Variants in SLC24A4 observed in about 807,000 individuals in gnomAD.
The protein encoded by SLC24A4 is sodium/potassium/calcium exchanger 4.
A neutral mutation model predicts 79.0 loss-of-function variants in SLC24A4; 53 were observed. The observed-to-expected ratio is 0.67, with a 90% CI of 0.54 to 0.84. The LOEUF (loss-of-function observed/expected upper bound fraction) is 0.84. SLC24A4 is among the 40% of genes least tolerant of loss of function. SLC24A4 has a pLI of 0.00. For synonymous variants in SLC24A4, 323 were observed against 323.8 expected, an observed-to-expected ratio of 1.00 and a Z score of 0.03; for missense variants, 731 against 822.0, an observed-to-expected ratio of 0.89 and a Z score of 1.35.
In SLC24A4 at chr14:92,390,395, T is replaced by C. The variant is rs145234154; in HGVS notation, c.242-43517T>C. 3.8e-3 allele frequency among the ~76,000 whole-genome samples: 574 copies of C among 152,266 alleles called. 7 individuals carry two copies. Among genetic ancestry groups the C allele is most frequent in the African/African-American group, 0.013 (545 of 41,538 alleles). ...TTCATCAGCCTGTCAGCCCTTGTTA[T>C]ATTTAAGATATTTTTAAACACTCTG... On this transcript the variant is annotated intron_variant, in intron 2 of 16. Transcript: ENST00000532405.
intron 2 of SLC24A4, among the ~76,000 whole-genome samples, chr14:92,350,107 C>A (rs1886786726): frequency 6.6e-6 from 1 of 152,160 alleles, no homozygotes; most frequent in Non-Finnish European, 1.5e-5. Context: ...ATGTGTTGAG[C>A]CCTGTTGAAG....
chr14:92,360,301 T>C (rs532028883), intron 2 of SLC24A4, among the ~76,000 whole-genome samples: 156 of 152,260 alleles, frequency 1.0e-3, no homozygotes, highest in African/African-American at 3.6e-3. Flanking sequence ...CAGTGCACCA[T>C]CGTAGCTCAT....
chr14:92,345,059 A>G (rs1307377572), intron 2 of SLC24A4, among the ~76,000 whole-genome samples: 1 of 152,188 alleles, frequency 6.6e-6, no homozygotes, highest in Non-Finnish European at 1.5e-5. Flanking sequence ...TGAGGGGCAG[A>G]TAGAGTGCAG....
chr14:92,355,223 C>T (rs1360571377), intron 2 of SLC24A4, among the ~76,000 whole-genome samples: 1 of 152,016 alleles, frequency 6.6e-6, no homozygotes, highest in Non-Finnish European at 1.5e-5. Context: ...GGTATGTGAG[C>T]CAAGATGTGA....
chr14:92,405,679 AG>A (rs1378302434), intron 2 of SLC24A4, among the ~76,000 whole-genome samples: 1 of 152,060 alleles, frequency 6.6e-6, no homozygotes, highest in Non-Finnish European at 1.5e-5. Context: ...GAGAGAGAGA[AG>A]GGGGAGCTTC....
intron 2 of SLC24A4, among the ~76,000 whole-genome samples, chr14:92,375,626 AAAGG>A (rs1315914754): frequency 2.6e-5 from 4 of 152,252 alleles, no homozygotes; most frequent in Admixed American, 6.5e-5. Flanking sequence ...TTCAGCCTTA[AAAGG>A]AAGGAAGTAC....
At chr14:92,481,821 T>C (rs967659375) in intron 12 of SLC24A4, among the ~76,000 whole-genome samples, 2 of 152,216 alleles carry the variant, frequency 1.3e-5, no homozygotes, top group African/African-American at 4.8e-5. Flanking sequence ...AAAATAAAAA[T>C]TGCAGAAGTC....
chr14:92,361,279 A>G (rs1052762680), intron 2 of SLC24A4, among the ~76,000 whole-genome samples: 1 of 86,444 alleles, frequency 1.2e-5, no homozygotes, highest in African/African-American at 3.4e-5. Context: ...CCTAGCTAAC[A>G]ACTATTTTTT....
intron 2 of SLC24A4, among the ~76,000 whole-genome samples, chr14:92,401,284 G>A (rs753831166): frequency 4.6e-5 from 7 of 152,156 alleles, no homozygotes; most frequent in Non-Finnish European, 7.3e-5. Context: ...GAAAAACCGT[G>A]CAGGTTGTGC....
At chr14:92,486,976 T>A (rs1237271446) in intron 14 of SLC24A4, among the ~76,000 whole-genome samples, 196 bp downstream of exon 14, 1 of 152,158 alleles carries the variant, frequency 6.6e-6, no homozygotes, top group Non-Finnish European at 1.5e-5. Context: ...CAAGATGAAC[T>A]CCTCCAGACC....
At chr14:92,444,490 A>C (rs1312003293) in intron 7 of SLC24A4, among the ~76,000 whole-genome samples, 1 of 152,218 alleles carries the variant, frequency 6.6e-6, no homozygotes, top group Non-Finnish European at 1.5e-5. Context: ...TCATTCCTTA[A>C]TTTGCATGAC....
At chr14:92,454,548 A>C (rs1595308715) in intron 11 of SLC24A4, among the ~76,000 whole-genome samples, 2 of 152,334 alleles carry the variant, frequency 1.3e-5, no homozygotes, top group South Asian at 2.1e-4. Flanking sequence ...AATATTATTT[A>C]ATGTATAAAC....
At chr14:92,354,628 C>T (rs1887073282) in intron 2 of SLC24A4, among the ~76,000 whole-genome samples, 2 of 152,196 alleles carry the variant, frequency 1.3e-5, no homozygotes, top group African/African-American at 4.8e-5. Flanking sequence ...AATTAATGTG[C>T]ACACAAATCA....
In SLC24A4 at chr14:92,491,862, C is replaced by T. The variant is rs549267629; in HGVS notation, c.1650+85C>T. ...AGTTCCAGCCAGAGGCTCTAGGAGA[C>T]GACCTCCTCCTCTCCTTGGCACTCA... On this transcript the variant is annotated intron_variant, in intron 15 of 16. Transcript: ENST00000532405. The T allele has an allele frequency of 5.5e-5, 57 of 1,037,294 alleles. No homozygotes were observed. In the African/African-American group the frequency reaches 6.3e-4, roughly 11 times the overall value. The allele number at this position is 1,037,294 out of a possible 1,614,324, so 64.3% of individuals were successfully genotyped here. A position where few individuals can be genotyped will look rare whatever the true frequency, so the allele number is the denominator to read the frequency against.
chr14:92,475,215 A>G (rs1048147645), intron 12 of SLC24A4, among the ~76,000 whole-genome samples: 7 of 152,208 alleles, frequency 4.6e-5, no homozygotes, highest in Non-Finnish European at 7.3e-5. Context: ...GAACCAGGTC[A>G]GATGCCAGAC....
intron 12 of SLC24A4, among the ~76,000 whole-genome samples, chr14:92,477,621 G>C (rs1052334892): frequency 2.0e-5 from 3 of 151,860 alleles, no homozygotes; most frequent in Non-Finnish European, 2.9e-5. Flanking sequence ...TGCCCAGCTA[G>C]TTTTTGTATT....
At chr14:92,421,277 G>A (rs1891265276) in intron 2 of SLC24A4, among the ~76,000 whole-genome samples, 1 of 152,126 alleles carries the variant, frequency 6.6e-6, no homozygotes, top group Non-Finnish European at 1.5e-5. Context: ...TATAACTTGA[G>A]TACAATAAAA....
At chr14:92,481,984 G>C (rs1201746976) in intron 12 of SLC24A4, among the ~76,000 whole-genome samples, 1 of 152,072 alleles carries the variant, frequency 6.6e-6, no homozygotes, top group African/African-American at 2.4e-5. Context: ...CCTTGGTAGG[G>C]GCCAGTGAGA....
chr14:92,474,686 T>C (rs1160152392), intron 12 of SLC24A4, among the ~76,000 whole-genome samples: 1 of 49,414 alleles, frequency 2.0e-5, no homozygotes, highest in African/African-American at 5.3e-5. Flanking sequence ...TATATACACA[T>C]ATATATGTAT....
Sources: gnomAD v4.1 joint callset for allele counts (sites outside exome capture counted in the v4.1 genomes callset) on GRCh38, gnomAD v4.1.1 for gene constraint, MANE v1.5 for transcripts, NCBI Gene and HGNC (gene_info 2026-07-23, HGNC 2026-07-21) for gene names.